Variants in IL7 observed in about 807,000 individuals in gnomAD.
IL7 encodes the protein interleukin-7.
In IL7, 3 loss-of-function variants were observed where a neutral mutation model predicts 21.6. The ratio of observed to expected loss-of-function variants is 0.14; its 90% CI spans 0.06 to 0.36. The LOEUF (loss-of-function observed/expected upper bound fraction) is 0.36, where lower values mean the gene tolerates loss of function less well. Ranked by LOEUF, IL7 falls within the 10% of genes least tolerant of loss-of-function variation. IL7 has a pLI of 1.00. For synonymous variants in IL7, 62 were observed against 68.1 expected (o/e 0.91, Z 0.44); for missense variants, 175 against 200.2 (o/e 0.87, Z 0.76).
intron 4 of IL7, among the ~76,000 whole-genome samples, chr8:78,682,768 A>G (rs1257490037): frequency 6.6e-6 from 1 of 152,192 alleles, no homozygotes; most frequent in Admixed American, 6.5e-5. Context: ...CCTAAAGTCC[A>G]CAGTTCAATC....
chr8:78,682,030 G>A (rs138379775), intron 4 of IL7, among the ~76,000 whole-genome samples: 40 of 151,430 alleles, frequency 2.6e-4, no homozygotes, highest in East Asian at 1.4e-3. Flanking sequence ...GGCATGAGCC[G>A]TCATACCTAG....
At chr8:78,762,410 C>A in intron 2 of IL7, 25 of 1,609,438 alleles carry the variant, frequency 1.6e-5, no homozygotes, top group Non-Finnish European at 2.1e-5. Flanking sequence ...GTGCAGTTGG[C>A]GGCAGCGCAG....
intron 2 of IL7, chr8:78,747,207 T>TTG: frequency 5.3e-6 from 2 of 378,414 alleles, no homozygotes; most frequent in Non-Finnish European, 1.0e-5. Context: ...TTTTTTTTTT[T>TTG]TTGAGATGGG....
intron 4 of IL7, chr8:78,721,230 A>G (rs1163489645): frequency 6.6e-6 from 1 of 152,048 alleles, no homozygotes; most frequent in Non-Finnish European, 1.5e-5. Flanking sequence ...CGGCAGAAAT[A>G]TTAAAGAGGG....
intron 4 of IL7, among the ~76,000 whole-genome samples, chr8:78,684,330 G>T (rs915019303): frequency 1.3e-5 from 2 of 152,194 alleles, no homozygotes; most frequent in Non-Finnish European, 2.9e-5. Flanking sequence ...AGAATCAAAG[G>T]CACATCTTAC....
chr8:78,691,650 C>A (rs150827418), intron 3 of IL7, among the ~76,000 whole-genome samples: 123 of 152,140 alleles, frequency 8.1e-4, no homozygotes, highest in African/African-American at 2.7e-3. Context: ...TTCACCATTT[C>A]TTTTCCCTTT....
intron 2 of IL7, among the ~76,000 whole-genome samples, chr8:78,774,798 A>G (rs1331575212): frequency 1.3e-5 from 2 of 152,132 alleles, no homozygotes; most frequent in Non-Finnish European, 2.9e-5. Context: ...TCAGAATAAT[A>G]TCATCATGAA....
intron 2 of IL7, among the ~76,000 whole-genome samples, chr8:78,775,176 A>G (rs1217846563): frequency 6.6e-6 from 1 of 152,120 alleles, no homozygotes; most frequent in Non-Finnish European, 1.5e-5. Context: ...AGGTGTGGTT[A>G]TATAAGTTTG....
At chr8:78,725,595 G>A (rs1190216267) in intron 3 of IL7, among the ~76,000 whole-genome samples, 1 of 151,990 alleles carries the variant, frequency 6.6e-6, no homozygotes, top group Non-Finnish European at 1.5e-5. Context: ...TCTAACTTGT[G>A]CTTTCCTTTT....
intron 2 of IL7, among the ~76,000 whole-genome samples, chr8:78,764,601 TG>T (rs1812691202): frequency 6.6e-6 from 1 of 151,892 alleles, no homozygotes; most frequent in Non-Finnish European, 1.5e-5. Flanking sequence ...AAAAATAAAA[TG>T]CTTAAGTGTA....
intron 2 of IL7, among the ~76,000 whole-genome samples, chr8:78,763,701 T>C (rs1359195140): frequency 1.3e-5 from 2 of 152,124 alleles, no homozygotes; most frequent in African/African-American, 2.4e-5. Flanking sequence ...AAACAAAAAA[T>C]ACTAATCCCA....
chr8:78,737,369 G>A (rs910645226), intron 4 of IL7, among the ~76,000 whole-genome samples: 12 of 152,090 alleles, frequency 7.9e-5, no homozygotes, highest in Admixed American at 7.2e-4. Context: ...CCGCTGTTAA[G>A]TAGGAATGAA....
chr8:78,750,179 G>C (rs1190509381), intron 2 of IL7, among the ~76,000 whole-genome samples: 2 of 152,032 alleles, frequency 1.3e-5, no homozygotes. Flanking sequence ...CCCAGCTCAA[G>C]GGTCCTCTAG....
At chr8:78,796,434 T>G (rs1813855709) in intron 2 of IL7, among the ~76,000 whole-genome samples, 1 of 152,054 alleles carries the variant, frequency 6.6e-6, no homozygotes, top group South Asian at 2.1e-4. Context: ...CATCTTCTTT[T>G]GCAGAGTTTT....
chr8:78,680,688 C>A (rs1003321273), intron 4 of IL7, among the ~76,000 whole-genome samples: 2 of 152,056 alleles, frequency 1.3e-5, no homozygotes, highest in African/African-American at 4.8e-5. Context: ...AGGATTGCCC[C>A]AAAGCAGTTG....
chr8:78,772,738 C>T (rs1160088301), intron 2 of IL7, among the ~76,000 whole-genome samples: 1 of 152,122 alleles, frequency 6.6e-6, no homozygotes, highest in African/African-American at 2.4e-5. Flanking sequence ...ATATTAAACA[C>T]TGAATTAAAT....
chr8:78,792,072 C>T (rs1300756878), intron 2 of IL7, among the ~76,000 whole-genome samples: 1 of 152,154 alleles, frequency 6.6e-6, no homozygotes, highest in Non-Finnish European at 1.5e-5. Context: ...TTGAGACTGT[C>T]TGGTCCTGGC....
intron 4 of IL7, among the ~76,000 whole-genome samples, chr8:78,680,708 A>C (rs1299277721): frequency 6.6e-6 from 1 of 152,202 alleles, no homozygotes; most frequent in East Asian, 1.9e-4. Flanking sequence ...GAAATCCAGG[A>C]GAAATTACCC....
At chr8:78,802,203 C>A (rs1814087518) in intron 1 of IL7, among the ~76,000 whole-genome samples, 1 of 152,106 alleles carries the variant, frequency 6.6e-6, no homozygotes, top group Admixed American at 6.6e-5. Context: ...TTATGGGGGT[C>A]AAAGTTAACA....
Sources: allele counts gnomAD v4.1 joint callset (sites outside exome capture counted in the v4.1 genomes callset), GRCh38; gene constraint gnomAD v4.1.1; transcripts MANE v1.5; gene names NCBI Gene and HGNC (gene_info 2026-07-23, HGNC 2026-07-21).